Variants in NRG4 observed in about 807,000 individuals in gnomAD.
The protein encoded by NRG4 is pro-neuregulin-4, membrane-bound isoform.
In NRG4, 10 loss-of-function variants were observed where a neutral mutation model predicts 15.0. The ratio of observed to expected loss-of-function variants is 0.67; its 90% confidence interval spans 0.41 to 1.13. The LOEUF (loss-of-function observed/expected upper bound fraction) is 1.13, where lower values mean the gene tolerates loss of function less well. Among genes scored for constraint, NRG4 ranks in the 50% most tolerant of loss-of-function variants. The pLI is 0.00. For missense variants in NRG4, 139 were observed against 140.2 expected (o/e 0.99, Z 0.04); for synonymous variants, 41 against 50.1 (o/e 0.82, Z 0.77).
At chr15:76,026,524 T>C (rs1432061460) in intron 5 of NRG4, among the ~76,000 whole-genome samples, 1 of 152,184 alleles carries the variant, frequency 6.6e-6, no homozygotes, top group Non-Finnish European at 1.5e-5. Context: ...AGACTGGCTA[T>C]ATAAGAAATG....
intron 5 of NRG4, among the ~76,000 whole-genome samples, chr15:75,945,507 T>A (rs1230883157): frequency 6.6e-6 from 1 of 152,174 alleles, no homozygotes; most frequent in Non-Finnish European, 1.5e-5. Flanking sequence ...TTCATGGTTA[T>A]TTAACCATCA....
At chr15:76,009,445 C>A in intron 2 of NRG4, 152 bp from the exon 3 acceptor site, 1 of 530,790 alleles carries the variant, frequency 1.9e-6, no homozygotes, top group Non-Finnish European at 3.3e-6. Context: ...TAATTCTATT[C>A]CTTATTTGAC....
At chr15:75,969,050 A>G (rs1435393406) in intron 3 of NRG4, 7 of 318,234 alleles carry the variant, frequency 2.2e-5, no homozygotes, top group Non-Finnish European at 4.5e-5. Flanking sequence ...GAACAGCTGG[A>G]AAGACTTACA....
intron 3 of NRG4, among the ~76,000 whole-genome samples, chr15:75,963,022 G>A (rs1037465656): frequency 6.6e-6 from 1 of 152,056 alleles, no homozygotes; most frequent in Non-Finnish European, 1.5e-5. Flanking sequence ...AAGGATACAG[G>A]CCTAGAAAAT....
At chr15:75,985,385 T>C (rs1298377808) in intron 3 of NRG4, among the ~76,000 whole-genome samples, 1 of 152,210 alleles carries the variant, frequency 6.6e-6, no homozygotes, top group Non-Finnish European at 1.5e-5. Flanking sequence ...CTAATTCCTC[T>C]AGTAATGAAT....
chr15:76,044,827 C>T (rs1484721263), intron 4 of NRG4, among the ~76,000 whole-genome samples: 1 of 140,062 alleles, frequency 7.1e-6, no homozygotes, highest in Admixed American at 7.2e-5. Flanking sequence ...GGCGACAGAG[C>T]GAGACTCTGT....
upstream of NRG4, among the ~76,000 whole-genome samples, chr15:76,014,744 T>C (rs2034923550): frequency 6.6e-6 from 1 of 152,192 alleles, no homozygotes; most frequent in Non-Finnish European, 1.5e-5. Context: ...TTGGTTACTG[T>C]AGTCTTGTAG....
At chr15:75,953,575 C>T (rs2032041175) in intron 5 of NRG4, among the ~76,000 whole-genome samples, 1 of 152,150 alleles carries the variant, frequency 6.6e-6, no homozygotes, top group Admixed American at 6.5e-5. Context: ...AGATGTTGCT[C>T]CATTCTTTTA....
intron 4 of NRG4, among the ~76,000 whole-genome samples, chr15:75,958,307 C>T (rs1345335533): frequency 2.6e-5 from 4 of 152,178 alleles, no homozygotes; most frequent in Admixed American, 6.5e-5. Context: ...CCACCGTGCC[C>T]GGCCACCTCT....
chr15:75,959,162 T>A (rs1396956500), intron 4 of NRG4: 25 of 407,818 alleles, frequency 6.1e-5, no homozygotes, highest in South Asian at 1.1e-4. Context: ...AAAAAAAAAA[T>A]TGTTTTGTAC....
chr15:76,006,729 G>A (rs2141901972), intron 3 of NRG4, among the ~76,000 whole-genome samples: 1 of 152,310 alleles, frequency 6.6e-6, no homozygotes, highest in East Asian at 1.9e-4. Flanking sequence ...TACACCTGGT[G>A]TGGGTTGCCA....
intron 5 of NRG4, among the ~76,000 whole-genome samples, chr15:75,952,794 T>C (rs1436606396): frequency 6.6e-6 from 1 of 152,164 alleles, no homozygotes; most frequent in East Asian, 1.9e-4. Context: ...TAGTCATTTG[T>C]ACATATTATT....
At chr15:76,058,419 T>A (rs1489180953) in intron 1 of NRG4, among the ~76,000 whole-genome samples, 1 of 152,086 alleles carries the variant, frequency 6.6e-6, no homozygotes. Context: ...AAATTTTACA[T>A]TTTTTTCTCA....
At chr15:75,945,201 A>G (rs1276248956) in intron 5 of NRG4, among the ~76,000 whole-genome samples, 1 of 152,050 alleles carries the variant, frequency 6.6e-6, no homozygotes, top group Non-Finnish European at 1.5e-5. Flanking sequence ...TAACCTTTCC[A>G]GTTAACACCA....
At chr15:75,937,078 ATACTT>A (rs2030416758), downstream of NRG4, 1 of 152,092 alleles carries the variant, frequency 6.6e-6, no homozygotes, top group South Asian at 2.1e-4. Context: ...TTTAATCACT[ATACTT>A]AATAAACATA....
At chr15:75,984,072 G>A (rs1325238878) in intron 3 of NRG4, among the ~76,000 whole-genome samples, 1 of 152,104 alleles carries the variant, frequency 6.6e-6, no homozygotes, top group East Asian at 1.9e-4. Context: ...AGAGCACAGA[G>A]GATTTTTAGG....
At chr15:75,954,614 G>C (rs953551226) in intron 5 of NRG4, among the ~76,000 whole-genome samples, 1 of 150,996 alleles carries the variant, frequency 6.6e-6, no homozygotes, top group Non-Finnish European at 1.5e-5. Flanking sequence ...TAGTAGAGAT[G>C]GGGTTTCACC....
chr15:76,051,285 G>A (rs1311431193), intron 4 of NRG4, among the ~76,000 whole-genome samples: 1 of 150,164 alleles, frequency 6.7e-6, no homozygotes, highest in East Asian at 1.9e-4. Flanking sequence ...GATTACAGGC[G>A]TGAGCCACCG....
chr15:75,964,262 G>C (rs79067517), intron 3 of NRG4, among the ~76,000 whole-genome samples: 9,446 of 152,066 alleles, frequency 0.062, 610 homozygotes, highest in African/African-American at 0.17. Context: ...GCATTCCACA[G>C]AGTAAAAGAA....
Sources: allele counts gnomAD v4.1 joint callset (sites outside exome capture counted in the v4.1 genomes callset), GRCh38; gene constraint gnomAD v4.1.1; transcripts MANE v1.5; gene names NCBI Gene and HGNC (gene_info 2026-07-23, HGNC 2026-07-21).